Variants in POU3F3 observed in about 807,000 individuals in gnomAD.
The protein encoded by POU3F3 is POU class 3 homeobox 3.
In POU3F3, 1 loss-of-function variant was observed where a neutral mutation model predicts 8.6. The ratio of observed to expected loss-of-function variants is 0.12; its 90% CI spans 0.04 to 0.55. POU3F3 has a LOEUF of 0.55. POU3F3 is among the 20% of genes least tolerant of loss of function. The pLI is 0.91. For synonymous variants in POU3F3, 418 were observed against 327.4 expected (o/e 1.28, Z -2.99); for missense variants, 577 against 690.7 (o/e 0.84, Z 1.84).
At chr2:104,909,460 C>T in the POU3F3 span, among the ~76,000 whole-genome samples, 1 of 152,250 alleles carries the variant, frequency 6.6e-6, no homozygotes, top group African/African-American at 2.4e-5. Flanking sequence ...GTGTCATGAG[C>T]TGAAGCTCTA....
At chr2:104,868,983 C>T in the POU3F3 span, among the ~76,000 whole-genome samples, 1 of 152,092 alleles carries the variant, frequency 6.6e-6, no homozygotes, top group African/African-American at 2.4e-5. Flanking sequence ...TTACATAAAC[C>T]CTCCAAAAAT....
At chr2:104,900,928 C>T in the POU3F3 span, among the ~76,000 whole-genome samples, 4 of 152,274 alleles carry the variant, frequency 2.6e-5, no homozygotes, top group East Asian at 7.7e-4. Context: ...CTGTGCAGTT[C>T]CTGCCCATAT....
At position 104,855,962 on chromosome 2, in the gene POU3F3, G is replaced by C; in HGVS notation, c.452G>C (p.Gly151Ala). The C allele has an allele frequency of 9.6e-7, 1 of 1,042,996 alleles. No homozygotes were observed. Among genetic ancestry groups the C allele is most frequent in the Non-Finnish European group, 1.2e-6 (1 of 867,606 alleles). 64.6% of individuals were successfully genotyped at this position (1,042,996 alleles called of 1,614,324 possible). A position where few individuals can be genotyped will look rare whatever the true frequency, so the allele number is the denominator to read the frequency against. Residue 151 changes from glycine to alanine, a missense_variant, in exon 1 of 1, where the codon GGC becomes GCC. Physicochemically the swap from Gly to Ala is moderately conservative, Grantham distance 60. Transcript: ENST00000361360. ...PPPPQGPDVK[G>A]GAGRDDLHAG... ...CCGCCGCAGGGCCCCGACGTGAAGG[G>C]CGGCGCCGGGCGCGACGACCTGCAC...
At chr2:104,896,268 T>C in the POU3F3 span, among the ~76,000 whole-genome samples, 9 of 152,324 alleles carry the variant, frequency 5.9e-5, no homozygotes, top group Admixed American at 2.6e-4. Context: ...TGCATGGAAC[T>C]TCTGCCCTCA....
the POU3F3 span, among the ~76,000 whole-genome samples, chr2:104,880,238 G>A: frequency 6.6e-6 from 1 of 152,108 alleles, no homozygotes; most frequent in Non-Finnish European, 1.5e-5. Flanking sequence ...TCACTCCACA[G>A]CCAGGAGGAT....
the POU3F3 span, among the ~76,000 whole-genome samples, chr2:104,873,881 G>C: frequency 6.6e-6 from 1 of 152,212 alleles, no homozygotes; most frequent in Admixed American, 6.5e-5. Flanking sequence ...GCATGCCTTC[G>C]GGCGTTCCCT....
chr2:104,884,212 T>C, the POU3F3 span, among the ~76,000 whole-genome samples: 3 of 152,132 alleles, frequency 2.0e-5, no homozygotes, highest in African/African-American at 7.2e-5. Flanking sequence ...AGTGGTGAAA[T>C]TCAAAACACA....
At chr2:104,922,647 A>G in the POU3F3 span, among the ~76,000 whole-genome samples, 4 of 152,240 alleles carry the variant, frequency 2.6e-5, no homozygotes, top group Admixed American at 2.6e-4. Context: ...ACACAGCCTC[A>G]GAGACCCATG....
the POU3F3 span, among the ~76,000 whole-genome samples, chr2:104,863,637 A>T: frequency 6.6e-6 from 1 of 152,096 alleles, no homozygotes; most frequent in Non-Finnish European, 1.5e-5. Flanking sequence ...GACAAAGTAA[A>T]GACGGATCTG....
the POU3F3 span, among the ~76,000 whole-genome samples, chr2:104,888,820 A>G: frequency 6.6e-6 from 1 of 152,010 alleles, no homozygotes; most frequent in Non-Finnish European, 1.5e-5. Flanking sequence ...CTCCTTCACC[A>G]CCACCCTCCC....
At chr2:104,894,660 C>CA in the POU3F3 span, among the ~76,000 whole-genome samples, 1 of 151,754 alleles carries the variant, frequency 6.6e-6, no homozygotes, top group East Asian at 2.0e-4. Flanking sequence ...GGACAGAATT[C>CA]AAAAAACACA....
chr2:104,914,646 C>T, the POU3F3 span, among the ~76,000 whole-genome samples: 2 of 152,042 alleles, frequency 1.3e-5, no homozygotes, highest in African/African-American at 2.4e-5. Flanking sequence ...GTGTGTCTGG[C>T]GATTGGAAGA....
At chr2:104,895,701 A>G in the POU3F3 span, among the ~76,000 whole-genome samples, 1 of 152,210 alleles carries the variant, frequency 6.6e-6, no homozygotes, top group Non-Finnish European at 1.5e-5. Context: ...GTTACTTTCC[A>G]CTTCCTATGC....
At position 104,855,785 on chromosome 2, in the gene POU3F3, G is replaced by C; in HGVS notation, c.275G>C (p.Ser92Thr). The C allele has an allele frequency of 7.6e-7, 1 of 1,307,352 alleles. No homozygotes were observed. The highest frequency in any genetic ancestry group is 1.3e-5 in the South Asian group (1 of 74,530). 81.0% of individuals were successfully genotyped at this position (1,307,352 alleles called of 1,614,324 possible). ...MAASNGGHML[S>T]HAHQWVTALP... ...GCCAGCAACGGCGGCCATATGCTGAGCCACGCGCACCAGTGGGTCACAGCC... is the reference window on the plus strand; with the variant it reads ...GCCAGCAACGGCGGCCATATGCTGACCCACGCGCACCAGTGGGTCACAGCC... The change falls in exon 1 of 1, where the codon AGC becomes ACC. Residue 92 changes from serine (S) to threonine (T), a missense_variant. Physicochemically the swap from Ser to Thr is moderately conservative, Grantham distance 58 (BLOSUM62 1). Coordinates refer to ENST00000361360, the MANE Select transcript of POU3F3 (RefSeq NM_006236.3).
the POU3F3 span, among the ~76,000 whole-genome samples, chr2:104,879,867 T>TG: frequency 1.3e-5 from 2 of 152,208 alleles, no homozygotes; most frequent in Admixed American, 1.3e-4. Context: ...CGTGGTTCTT[T>TG]GGGGAACGAG....
At chr2:104,880,567 G>A in the POU3F3 span, among the ~76,000 whole-genome samples, 3 of 152,160 alleles carry the variant, frequency 2.0e-5, no homozygotes, top group Non-Finnish European at 4.4e-5. Flanking sequence ...CTGCCTCCCT[G>A]CAAGTGTCCA....
chr2:104,927,366 G>T, the POU3F3 span, among the ~76,000 whole-genome samples: 1 of 151,956 alleles, frequency 6.6e-6, no homozygotes, highest in Admixed American at 6.6e-5. Context: ...AGATGAGAAG[G>T]CAGGGAGAAA....
chr2:104,872,333 A>G, the POU3F3 span: 1 of 456,588 alleles, frequency 2.2e-6, no homozygotes. The surrounding 1 kb of genome is among the most constrained non-coding windows in gnomAD (Gnocchi z 4.6). Context: ...ACATCATCAA[A>G]GACCAGAGCA....
the POU3F3 span, among the ~76,000 whole-genome samples, chr2:104,904,459 A>T: frequency 8.6e-4 from 131 of 152,304 alleles, no homozygotes; most frequent in African/African-American, 3.2e-3. Context: ...AAATCAAGAA[A>T]TAAAGTATTA....
Sources: allele counts gnomAD v4.1 joint callset (sites outside exome capture counted in the v4.1 genomes callset), GRCh38; gene constraint gnomAD v4.1.1; non-coding constraint Gnocchi (gnomAD v3.1); transcripts MANE v1.5; gene names NCBI Gene and HGNC (gene_info 2026-07-23, HGNC 2026-07-21).